Variants in SLC9C1 observed in about 807,000 individuals in gnomAD.
SLC9C1 encodes sodium/hydrogen exchanger 10.
A neutral mutation model predicts 140.9 loss-of-function variants in SLC9C1; 97 were observed. The observed-to-expected ratio is 0.69, with a 90% CI of 0.58 to 0.82. The LOEUF (loss-of-function observed/expected upper bound fraction) is 0.82, where lower values mean the gene tolerates loss of function less well. Among genes scored for constraint, SLC9C1 ranks in the 40% least tolerant of loss-of-function variants. SLC9C1 has a pLI of 0.00. For synonymous variants in SLC9C1, 440 were observed against 442.6 expected (o/e 0.99, Z 0.07); for missense variants, 1,340 against 1,389.3 (o/e 0.96, Z 0.56).
chr3:112,273,363 TA>T (rs2080127710), intron 6 of SLC9C1, among the ~76,000 whole-genome samples: 1 of 152,084 alleles, frequency 6.6e-6, no homozygotes, highest in African/African-American at 2.4e-5. Context: ...TGGAAGTACC[TA>T]AAGATGATGT....
chr3:112,159,077 G>C (rs547581312), intron 26 of SLC9C1, among the ~76,000 whole-genome samples: 37 of 151,442 alleles, frequency 2.4e-4, no homozygotes, highest in African/African-American at 8.2e-4. Flanking sequence ...AGTTCCCTGA[G>C]GTGTGTCATT....
chr3:112,155,025 C>A lies in SLC9C1; in HGVS notation c.3389G>T (p.Gly1130Val). The A allele has an allele frequency of 6.2e-7, 1 of 1,608,048 alleles. No individual in the cohort carries two copies. Among genetic ancestry groups the A allele is most frequent in the African/African-American group, 1.3e-5 (1 of 74,164 alleles). ...LIGSVGTLEE[G>V]IQEERNVKED... ...CTTAACATTTCTTTCTTCTTGAATG[C>A]CTTCTTCCAATGTTCCAACTGAACC... is the stretch of plus-strand genomic sequence containing the variant. Residue 1130 changes from glycine to valine, a missense_variant, in exon 27 of 29, where the codon GGC (glycine) becomes GTC (valine). Transcript: ENST00000305815.
chr3:112,179,558 A>C lies in SLC9C1; in HGVS notation c.2892T>G (p.Tyr964Ter), dbSNP rs752838611. 6.2e-7 allele frequency: 1 copy of C among 1,606,354 alleles called. No individual in the cohort carries two copies. Among genetic ancestry groups the C allele is most frequent in the Non-Finnish European group, 8.5e-7 (1 of 1,177,578 alleles). ...INCLTNEPMK[Y>*]SATCKTVVET... Reference sequence around the variant, plus strand: ...CCACTACAGTTTTGCAGGTGGCAGAATATTTCATAGGTTCATTAGTTAAGC... The same window carrying C: ...CCACTACAGTTTTGCAGGTGGCAGACTATTTCATAGGTTCATTAGTTAAGC... Residue 964 changes from tyrosine (Y) to a stop codon, truncating the protein, a stop_gained, in exon 23 of 29, where the codon TAT becomes TAG. Coordinates refer to ENST00000305815, the MANE Select transcript of SLC9C1 (RefSeq NM_183061.3). LOFTEE classifies it high-confidence loss of function.
intron 26 of SLC9C1, among the ~76,000 whole-genome samples, chr3:112,164,704 C>T (rs2077081691): frequency 6.6e-6 from 1 of 151,738 alleles, no homozygotes; most frequent in Admixed American, 6.6e-5. Flanking sequence ...CTGTCGTTAA[C>T]TTTTTTTCCT....
chr3:112,210,355 T>C (rs919886922), intron 15 of SLC9C1, among the ~76,000 whole-genome samples: 1 of 152,346 alleles, frequency 6.6e-6, no homozygotes, highest in Non-Finnish European at 1.5e-5. Context: ...TATTGATACA[T>C]GCTACAAAGA....
chr3:112,144,285 C>T (rs1038567786), intron 28 of SLC9C1, among the ~76,000 whole-genome samples: 1 of 145,980 alleles, frequency 6.9e-6, no homozygotes, highest in Admixed American at 7.2e-5. Flanking sequence ...TCAAGCAATT[C>T]TCCTGCCTCA....
At chr3:112,221,257 G>T (rs556022510) in intron 13 of SLC9C1, 32 bp from the exon 14 acceptor site, 2 of 1,551,718 alleles carry the variant, frequency 1.3e-6, no homozygotes, top group South Asian at 1.1e-5. Context: ...TCATTATATA[G>T]CATGAATAAC....
intron 10 of SLC9C1, among the ~76,000 whole-genome samples, chr3:112,249,996 T>C (rs1328884805): frequency 6.6e-6 from 1 of 152,068 alleles, no homozygotes; most frequent in Non-Finnish European, 1.5e-5. Context: ...ATGTGACATG[T>C]TGGTGTGCTG....
intron 10 of SLC9C1, 114 bp from the exon 11 acceptor site, chr3:112,244,190 G>T: frequency 1.8e-6 from 1 of 551,424 alleles, no homozygotes; most frequent in Non-Finnish European, 3.0e-6. Flanking sequence ...AGGTTGTACT[G>T]TGTTAATAGA....
At chr3:112,196,957 T>TAA (rs34274658) in intron 20 of SLC9C1, among the ~76,000 whole-genome samples, 1 of 148,326 alleles carries the variant, frequency 6.7e-6, no homozygotes, top group Non-Finnish European at 1.5e-5. Flanking sequence ...CCTTGTGATT[T>TAA]AAAAAAAAAA....
intron 10 of SLC9C1, among the ~76,000 whole-genome samples, chr3:112,256,536 T>G (rs1189787987): frequency 6.6e-6 from 1 of 152,158 alleles, no homozygotes; most frequent in Non-Finnish European, 1.5e-5. Flanking sequence ...TTAAAAACTC[T>G]CAATCTACTA....
intron 12 of SLC9C1, among the ~76,000 whole-genome samples, chr3:112,231,794 T>C (rs909308462): frequency 6.6e-6 from 1 of 152,198 alleles, no homozygotes; most frequent in Non-Finnish European, 1.5e-5. Flanking sequence ...TTTCAAAGTG[T>C]GGTCTCCCAG....
chr3:112,147,581 C>A, intron 28 of SLC9C1: 1 of 359,148 alleles, frequency 2.8e-6, no homozygotes. Context: ...TTGGAATTTT[C>A]TTTCTTTCAG....
chr3:112,250,932 T>G (rs1228860836), intron 10 of SLC9C1, among the ~76,000 whole-genome samples: 2 of 152,172 alleles, frequency 1.3e-5, no homozygotes, highest in East Asian at 3.9e-4. Flanking sequence ...TAAAGACATA[T>G]GCATGTGTAT....
intron 20 of SLC9C1, among the ~76,000 whole-genome samples, chr3:112,195,800 C>T (rs2077757196): frequency 6.6e-6 from 1 of 152,060 alleles, no homozygotes; most frequent in Admixed American, 6.5e-5. Context: ...CATCTTTATA[C>T]ATTGTGTGTC....
intron 5 of SLC9C1, among the ~76,000 whole-genome samples, 194 bp downstream of exon 5, chr3:112,277,501 A>C (rs935659886): frequency 2.6e-5 from 4 of 152,076 alleles, no homozygotes; most frequent in Admixed American, 1.3e-4. Flanking sequence ...TTTTTTTGAC[A>C]CTAAGTAAGC....
chr3:112,190,967 A>ACG (rs1376242283), intron 20 of SLC9C1, among the ~76,000 whole-genome samples: 159 of 93,876 alleles, frequency 1.7e-3, no homozygotes, highest in African/African-American at 5.6e-3. Context: ...ACACACACAT[A>ACG]TATATATATG....
intron 13 of SLC9C1, among the ~76,000 whole-genome samples, chr3:112,226,870 A>T (rs904222583): frequency 6.6e-6 from 1 of 152,184 alleles, no homozygotes; most frequent in Admixed American, 6.6e-5. Context: ...TGACACCAAA[A>T]ATAATATAAA....
chr3:112,258,543 C>T (rs920880903), intron 10 of SLC9C1, among the ~76,000 whole-genome samples: 5 of 152,134 alleles, frequency 3.3e-5, no homozygotes, highest in African/African-American at 9.7e-5. Context: ...AAGAGATTCT[C>T]ATGTCTCGGT....
Sources: gnomAD v4.1 joint callset for allele counts (sites outside exome capture counted in the v4.1 genomes callset) on GRCh38, gnomAD v4.1.1 for gene constraint, MANE v1.5 for transcripts, NCBI Gene and HGNC (gene_info 2026-07-23, HGNC 2026-07-21) for gene names.